Variants in DOCK1 observed in about 807,000 individuals in gnomAD.
DOCK1 encodes the protein dedicator of cytokinesis protein 1.
Under a neutral mutation model 262.7 loss-of-function variants are expected in DOCK1, and 138 were observed. The ratio of observed to expected loss-of-function variants is 0.53; its 90% CI spans 0.46 to 0.61. DOCK1 has a LOEUF of 0.61. Ranked by LOEUF, DOCK1 falls within the 20% of genes least tolerant of loss-of-function variation. The pLI is 0.00. For missense variants in DOCK1, 1,908 were observed against 2,370.7 expected, an observed-to-expected ratio of 0.80 and a Z score of 4.05; for synonymous variants, 866 against 867.4, an observed-to-expected ratio of 1.00 and a Z score of 0.03.
intron 27 of DOCK1, among the ~76,000 whole-genome samples, chr10:127,135,232 G>A (rs1402810418): frequency 6.6e-6 from 1 of 152,248 alleles, no homozygotes; most frequent in Non-Finnish European, 1.5e-5. Context: ...AGGTGGGCAA[G>A]CGTCAGTCCC....
chr10:127,078,031 G>T (rs2046672499), intron 23 of DOCK1, among the ~76,000 whole-genome samples: 1 of 152,148 alleles, frequency 6.6e-6, no homozygotes, highest in African/African-American at 2.4e-5. Context: ...TCAGAGCCGA[G>T]AAAAGGAATT....
intron 32 of DOCK1, among the ~76,000 whole-genome samples, chr10:127,359,243 A>G (rs1160016560): frequency 6.6e-6 from 1 of 151,522 alleles, no homozygotes; most frequent in Non-Finnish European, 1.5e-5. Context: ...GGCTGTCACT[A>G]TCCATAGAAC....
intron 1 of DOCK1, among the ~76,000 whole-genome samples, chr10:126,934,562 C>A (rs1457838698): frequency 1.3e-5 from 2 of 152,222 alleles, no homozygotes; most frequent in Non-Finnish European, 2.9e-5. Context: ...TGATACCTGA[C>A]ATGGAGCCAT....
At chr10:127,147,552 G>A (rs918135637) in intron 27 of DOCK1, among the ~76,000 whole-genome samples, 9 of 152,114 alleles carry the variant, frequency 5.9e-5, no homozygotes, top group East Asian at 1.9e-4. Flanking sequence ...CCCTCATCCC[G>A]GGGTCCCAGG....
intron 29 of DOCK1, among the ~76,000 whole-genome samples, chr10:127,267,056 C>T (rs191843020): frequency 6.6e-6 from 1 of 152,312 alleles, no homozygotes; most frequent in African/African-American, 2.4e-5. Context: ...AGTAATGATG[C>T]TCTGGACCCT....
At chr10:127,321,148 G>A (rs1332954038) in intron 29 of DOCK1, among the ~76,000 whole-genome samples, 8 of 151,800 alleles carry the variant, frequency 5.3e-5, no homozygotes, top group Non-Finnish European at 1.0e-4. Context: ...ATGACCCCGC[G>A]TCTTGCGCTG....
At chr10:127,131,828 A>G (rs1331673252) in intron 27 of DOCK1, among the ~76,000 whole-genome samples, 1 of 152,184 alleles carries the variant, frequency 6.6e-6, no homozygotes, top group African/African-American at 2.4e-5. Context: ...ATTCCATTAT[A>G]TCTTAGAGAT....
intron 29 of DOCK1, among the ~76,000 whole-genome samples, chr10:127,276,675 C>T (rs1590235103): frequency 1.3e-5 from 2 of 152,158 alleles, no homozygotes; most frequent in South Asian, 4.1e-4. Flanking sequence ...TTGTACACCT[C>T]TGCTCCGAGC....
chr10:126,939,940 GA>G (rs1424306037), intron 1 of DOCK1, among the ~76,000 whole-genome samples: 1 of 152,212 alleles, frequency 6.6e-6, no homozygotes, highest in East Asian at 1.9e-4. Context: ...CTTGTTGCCT[GA>G]ATAGGAGCCT....
At chr10:127,207,577 G>C (rs2057781405) in intron 27 of DOCK1, among the ~76,000 whole-genome samples, 1 of 152,120 alleles carries the variant, frequency 6.6e-6, no homozygotes, top group African/African-American at 2.4e-5. Context: ...TCACATTTTA[G>C]GATTGTCTTA....
chr10:127,202,032 G>A lies in DOCK1; in HGVS notation c.2848-45976G>A, dbSNP rs537960802. On this transcript the variant is annotated intron_variant, in intron 27 of 51. Coordinates refer to ENST00000623213, the MANE Select transcript of DOCK1 (RefSeq NM_001290223.2). ...AGTGACACTTCTGATCAGAACTAGG[G>A]CAGGAAGGAGCCAGGCACGGTGGCT... Among the ~76,000 whole-genome samples the A allele has an allele frequency of 2.2e-3, 340 of 152,146 alleles. 3 individuals carry two copies. Among genetic ancestry groups the A allele is most frequent in the African/African-American group, 7.6e-3 (314 of 41,514 alleles).
chr10:127,270,831 T>C (rs2060536415), intron 29 of DOCK1, among the ~76,000 whole-genome samples: 1 of 152,214 alleles, frequency 6.6e-6, no homozygotes, highest in African/African-American at 2.4e-5. Flanking sequence ...GACTGATTTT[T>C]CTTTATCCAG....
chr10:126,973,267 C>T (rs1407473642), intron 2 of DOCK1, among the ~76,000 whole-genome samples: 2 of 149,870 alleles, frequency 1.3e-5, no homozygotes, highest in Non-Finnish European at 3.0e-5. Context: ...CTCGCTCTGT[C>T]GCCCGGGCTG....
chr10:127,325,994 GA>G (rs1051866978), intron 29 of DOCK1, among the ~76,000 whole-genome samples: 1 of 152,132 alleles, frequency 6.6e-6, no homozygotes, highest in Non-Finnish European at 1.5e-5. Context: ...TATTAAGTGT[GA>G]AAAGTATGTC....
chr10:127,186,454 A>G (rs2056238191), intron 27 of DOCK1, among the ~76,000 whole-genome samples: 1 of 138,468 alleles, frequency 7.2e-6, no homozygotes, highest in Non-Finnish European at 1.5e-5. Flanking sequence ...ATAGACAACC[A>G]TCAGATCTCC....
At chr10:127,281,744 A>G (rs1377125744) in intron 29 of DOCK1, among the ~76,000 whole-genome samples, 1 of 152,210 alleles carries the variant, frequency 6.6e-6, no homozygotes, top group Non-Finnish European at 1.5e-5. Flanking sequence ...ATCAAGAGCC[A>G]GGTTCCTTTT....
intron 19 of DOCK1, 130 bp from the exon 20 acceptor site, chr10:127,042,495 C>A: frequency 4.1e-6 from 3 of 740,416 alleles, no homozygotes; most frequent in Middle Eastern, 4.0e-4. Flanking sequence ...GAAAAGGATC[C>A]CGAATGGCTT....
At chr10:127,194,876 G>T (rs1249928568) in intron 27 of DOCK1, among the ~76,000 whole-genome samples, 1 of 149,766 alleles carries the variant, frequency 6.7e-6, no homozygotes, top group African/African-American at 2.5e-5. Context: ...GAATTTCAGC[G>T]CCTAAGCAGA....
At chr10:127,347,638 G>T (rs187484406) in intron 31 of DOCK1, among the ~76,000 whole-genome samples, 1 of 151,712 alleles carries the variant, frequency 6.6e-6, no homozygotes, top group African/African-American at 2.4e-5. Context: ...CAAACGATGG[G>T]CGCTGACTTG....
Sources: gnomAD v4.1 joint callset for allele counts (sites outside exome capture counted in the v4.1 genomes callset) on GRCh38, gnomAD v4.1.1 for gene constraint, MANE v1.5 for transcripts, NCBI Gene and HGNC (gene_info 2026-07-23, HGNC 2026-07-21) for gene names.